Variants in FNBP4 observed in about 807,000 individuals in gnomAD.
The protein encoded by FNBP4 is formin-binding protein 4.
A neutral mutation model predicts 119.3 loss-of-function variants in FNBP4; 34 were observed. That is an observed-to-expected ratio of 0.28 (90% CI 0.22 to 0.38). FNBP4 has a LOEUF of 0.38. Ranked by LOEUF, FNBP4 falls within the 10% of genes least tolerant of loss-of-function variation. FNBP4 has a pLI of 1.00. For synonymous variants in FNBP4, 462 were observed against 430.6 expected, an observed-to-expected ratio of 1.07 and a Z score of -0.90; for missense variants, 1,112 against 1,228.9, an observed-to-expected ratio of 0.90 and a Z score of 1.42.
At chr11:47,766,762 G>A (rs1464849116) in intron 1 of FNBP4, among the ~76,000 whole-genome samples, 2 of 152,244 alleles carry the variant, frequency 1.3e-5, no homozygotes, top group Non-Finnish European at 2.9e-5. Flanking sequence ...CACCCTCTGC[G>A]TTACCCAAAA....
Position 47,767,198 on chromosome 11 carries a change from G to C in FNBP4, c.91C>G (p.Pro31Ala). 1 of 1,563,324 alleles carries C rather than the reference G, an allele frequency of 6.4e-7. No homozygotes were observed. The highest frequency in any genetic ancestry group is 8.6e-7 in the Non-Finnish European group (1 of 1,160,696). The change falls in exon 1 of 17, where the codon CCG becomes GCG. Residue 31 changes from proline (P) to alanine (A), a missense_variant. Around this residue, in one of 2 missense-constraint regions of FNBP4, gnomAD observed 286 missense variants for 240.1 expected, o/e 1.19. Transcript: ENST00000263773. ...GGCTCAGTGTCGGGTTCCGGCTCCGGGTCCCGGCCCGGCGTGCTGCCCCGA... is the reference window on the plus strand; with the variant it reads ...GGCTCAGTGTCGGGTTCCGGCTCCGCGTCCCGGCCCGGCGTGCTGCCCCGA... ...GPRGSTPGRD[P>A]EPEPDTEPDS...
intron 15 of FNBP4, among the ~76,000 whole-genome samples, 189 bp from the exon 16 acceptor site, chr11:47,720,275 ATCT>A (rs2097554036): frequency 6.6e-6 from 1 of 152,222 alleles, no homozygotes; most frequent in Non-Finnish European, 1.5e-5. Flanking sequence ...TTGGTTAAAA[ATCT>A]ATAAAGCAGG....
At chr11:47,733,412 C>T (rs1004939402) in intron 10 of FNBP4, among the ~76,000 whole-genome samples, 8 of 151,970 alleles carry the variant, frequency 5.3e-5, no homozygotes, top group Middle Eastern at 3.4e-3. Flanking sequence ...AATCTCTGCT[C>T]GCAACCTTCA....
rs115659044 is a variant in FNBP4, at chr11:47,723,806, G to A, written c.2464+222C>T. Among the ~76,000 whole-genome samples the A allele has an allele frequency of 0.033, 5,009 of 151,772 alleles. 289 individuals carry two copies. Among genetic ancestry groups the A allele is most frequent in the African/African-American group, 0.12 (4,775 of 41,368 alleles). On this transcript the variant is annotated intron_variant, in intron 14 of 16. Transcript: ENST00000263773. ...TCCAACTCCTGAGCTCAAGCAATCC[G>A]CTTGCCTCAGCCTCCCGAAGTGCTG... is the stretch of plus-strand genomic sequence containing the variant.
chr11:47,742,477 CAAAAAAAAAAAAAA>C (rs568784009), intron 8 of FNBP4, among the ~76,000 whole-genome samples: 4 of 23,760 alleles, frequency 1.7e-4, no homozygotes, highest in Admixed American at 1.8e-3. Flanking sequence ...GACTCCGTCT[CAAAAAAAAAAAAAA>C]AAAAAAAAAA....
At chr11:47,736,515 G>A (rs367789447) in intron 9 of FNBP4, 101 bp downstream of exon 9, 71 of 909,562 alleles carry the variant, frequency 7.8e-5, no homozygotes, top group East Asian at 5.7e-4. Flanking sequence ...AGCTGAGATC[G>A]TGCCACTGCA....
chr11:47,732,955 TA>T lies in FNBP4; in HGVS notation c.1687-286del, dbSNP rs2097569163. On this transcript the variant is annotated intron_variant, in intron 10 of 16. Coordinates refer to ENST00000263773, the MANE Select transcript of FNBP4 (RefSeq NM_015308.5). This position sits in a 1 kb window ranked among gnomAD's most constrained non-coding sequence, Gnocchi z 4.2. ...CAACAAGGTGAGACCCTGTCTGTAC[TA>T]AAAATACAAAAATTAGCTGGGCTTG... Among the ~76,000 whole-genome samples the T allele has an allele frequency of 6.6e-6, 1 of 152,040 alleles. No individual in the cohort carries two copies. The highest frequency in any genetic ancestry group is 1.5e-5 in the Non-Finnish European group (1 of 68,002).
chr11:47,758,753 G>C (rs1026403427), intron 2 of FNBP4, among the ~76,000 whole-genome samples: 12 of 151,624 alleles, frequency 7.9e-5, no homozygotes, highest in Admixed American at 7.9e-4. Flanking sequence ...CAGCTACTCA[G>C]GAGGCTGAGG....
intron 2 of FNBP4, among the ~76,000 whole-genome samples, chr11:47,763,732 CGTCA>C (rs1434323071): frequency 6.6e-6 from 1 of 151,926 alleles, no homozygotes; most frequent in East Asian, 1.9e-4. Context: ...GATCTCCTGA[CGTCA>C]TTATCCACCT....
At chr11:47,757,292 A>G (rs566791174) in intron 2 of FNBP4, among the ~76,000 whole-genome samples, 43 of 152,014 alleles carry the variant, frequency 2.8e-4, no homozygotes, top group African/African-American at 9.6e-4. Flanking sequence ...TCCGCTCACT[A>G]CAAGCTCTGC....
At chr11:47,748,535 T>C (rs1353217602) in intron 6 of FNBP4, among the ~76,000 whole-genome samples, 2 of 151,934 alleles carry the variant, frequency 1.3e-5, no homozygotes, top group African/African-American at 4.8e-5. Flanking sequence ...CTACCTTGCC[T>C]GGGTAATTTT....
At chr11:47,729,946 C>A in intron 12 of FNBP4, 2 of 985,462 alleles carry the variant, frequency 2.0e-6, no homozygotes, top group East Asian at 1.1e-4. Flanking sequence ...CTTTTTCCTA[C>A]ACTACAACTA....
intron 2 of FNBP4, among the ~76,000 whole-genome samples, chr11:47,762,235 G>A (rs891472146): frequency 4.6e-5 from 7 of 151,612 alleles, no homozygotes; most frequent in Non-Finnish European, 8.8e-5. Context: ...GGGTTCAAGC[G>A]ATTCTCCCAC....
intron 9 of FNBP4, among the ~76,000 whole-genome samples, chr11:47,735,972 G>A (rs1275639534): frequency 1.3e-5 from 2 of 152,056 alleles, no homozygotes; most frequent in African/African-American, 2.4e-5. Flanking sequence ...CAGCTACTCG[G>A]GAGGCTGAGG....
At chr11:47,759,076 C>A (rs141639593) in intron 2 of FNBP4, among the ~76,000 whole-genome samples, 2 of 151,808 alleles carry the variant, frequency 1.3e-5, no homozygotes, top group Non-Finnish European at 2.9e-5. Flanking sequence ...CACGCCACCA[C>A]GACCTGCTAA....
intron 14 of FNBP4, 28 bp from the exon 15 acceptor site, chr11:47,723,344 A>G: frequency 2.6e-6 from 4 of 1,564,976 alleles, no homozygotes; most frequent in Non-Finnish European, 3.5e-6. Flanking sequence ...AAATGATACT[A>G]TAAAAAGGAC....
chr11:47,721,322 T>G (rs1471603098), intron 15 of FNBP4, among the ~76,000 whole-genome samples: 1 of 151,924 alleles, frequency 6.6e-6, no homozygotes, highest in East Asian at 1.9e-4. Context: ...CGAGGCATGG[T>G]GGGTCACACC....
At chr11:47,751,720 G>T (rs1341872225) in intron 4 of FNBP4, among the ~76,000 whole-genome samples, 1 of 152,076 alleles carries the variant, frequency 6.6e-6, no homozygotes, top group African/African-American at 2.4e-5. Flanking sequence ...GGGAGGCCAA[G>T]GTGGGCAGAT....
Position 47,752,947 on chromosome 11 carries a change from C to G in FNBP4, c.606G>C (p.Trp202Cys). ...CCAGTGAACACTGAGTATCATATTG[C>G]CAACCAGATGTTTGGGTGGAGTCTG... ...NGTDSTQTSG[W>C]QYDTQCSLAG... Residue 202 changes from tryptophan (W) to cysteine (C), a missense_variant, in exon 4 of 17, where the codon TGG becomes TGC. By Grantham distance (215) the Trp-to-Cys change is radical. Coordinates refer to ENST00000263773, the MANE Select transcript of FNBP4 (RefSeq NM_015308.5). 6.2e-7 allele frequency: 1 copy of G among 1,613,574 alleles called. No individual in the cohort carries two copies. Among genetic ancestry groups the G allele is most frequent in the African/African-American group, 1.3e-5 (1 of 75,002 alleles).
Sources: gnomAD v4.1 joint callset for allele counts (sites outside exome capture counted in the v4.1 genomes callset) on GRCh38, gnomAD v4.1.1 for gene constraint, gnomAD v4.1.1 regional missense constraint, Gnocchi (gnomAD v3.1) non-coding constraint, MANE v1.5 for transcripts, NCBI Gene and HGNC (gene_info 2026-07-23, HGNC 2026-07-21) for gene names.